Variants in EEFSEC observed in about 807,000 individuals in gnomAD.
The protein encoded by EEFSEC is eukaryotic elongation factor, selenocysteine-tRNA specific.
Under a neutral mutation model 42.1 loss-of-function variants are expected in EEFSEC, and 43 were observed. The ratio of observed to expected loss-of-function variants is 1.02; its 90% CI spans 0.80 to 1.32. The LOEUF (loss-of-function observed/expected upper bound fraction) is 1.32. EEFSEC is among the 40% of genes most tolerant of loss of function. The pLI is 0.00. For missense variants in EEFSEC, 745 were observed against 803.6 expected (o/e 0.93, Z 0.88); for synonymous variants, 354 against 339.1 (o/e 1.04, Z -0.48).
chr3:128,262,522 A>G (rs1035280721), intron 3 of EEFSEC, among the ~76,000 whole-genome samples: 2 of 152,096 alleles, frequency 1.3e-5, no homozygotes, highest in Admixed American at 1.3e-4. Flanking sequence ...TGTCATACCT[A>G]CACTCAGACA....
chr3:128,409,252 C>T (rs1340228538), downstream of EEFSEC, among the ~76,000 whole-genome samples: 1 of 152,152 alleles, frequency 6.6e-6, no homozygotes, highest in Non-Finnish European at 1.5e-5. Context: ...CAGAGGCCTC[C>T]CTTTTATCCC....
intron 1 of EEFSEC, among the ~76,000 whole-genome samples, chr3:128,235,560 G>T (rs2065999853): frequency 6.6e-6 from 1 of 152,202 alleles, no homozygotes; most frequent in African/African-American, 2.4e-5. Flanking sequence ...GACACTTCAT[G>T]ATTTTTAAGC....
chr3:128,230,863 A>G (rs892574020), intron 1 of EEFSEC, among the ~76,000 whole-genome samples: 2 of 152,118 alleles, frequency 1.3e-5, no homozygotes, highest in Non-Finnish European at 2.9e-5. Context: ...CCTGAAATCT[A>G]GAGATGGAGG....
intron 1 of EEFSEC, among the ~76,000 whole-genome samples, chr3:128,222,193 C>T (rs906160947): frequency 9.2e-5 from 14 of 152,028 alleles, no homozygotes; most frequent in African/African-American, 3.1e-4. Context: ...ACCACTCCAG[C>T]CAGCTAATTT....
chr3:128,234,857 C>G (rs2065992306), intron 1 of EEFSEC, among the ~76,000 whole-genome samples: 1 of 152,196 alleles, frequency 6.6e-6, no homozygotes, highest in African/African-American at 2.4e-5. Context: ...CTTCTGATGA[C>G]TTTAAGGAGA....
chr3:128,269,312 C>T (rs2066389904), intron 4 of EEFSEC, among the ~76,000 whole-genome samples: 1 of 152,236 alleles, frequency 6.6e-6, no homozygotes, highest in South Asian at 2.1e-4. Context: ...CCTGCAGGCC[C>T]CATGGCAGTT....
At chr3:128,164,640 A>G (rs1398341161) in intron 1 of EEFSEC, among the ~76,000 whole-genome samples, 1 of 152,132 alleles carries the variant, frequency 6.6e-6, no homozygotes, top group Non-Finnish European at 1.5e-5. Context: ...GATGGTTGAG[A>G]TATTACATTT....
chr3:128,221,885 A>G (rs2065863627), intron 1 of EEFSEC, among the ~76,000 whole-genome samples: 1 of 152,216 alleles, frequency 6.6e-6, no homozygotes, highest in Non-Finnish European at 1.5e-5. Flanking sequence ...GATAAATTTG[A>G]AAACAAACCA....
chr3:128,256,046 G>A (rs1203337619), intron 2 of EEFSEC, among the ~76,000 whole-genome samples: 3 of 152,148 alleles, frequency 2.0e-5, no homozygotes, highest in Admixed American at 6.5e-5. Context: ...CAGAGTGAGG[G>A]ACGTGCACCA....
intron 4 of EEFSEC, among the ~76,000 whole-genome samples, chr3:128,325,262 G>C (rs965619002): frequency 6.6e-6 from 1 of 152,248 alleles, no homozygotes; most frequent in East Asian, 1.9e-4. Context: ...GTTGTCTTTT[G>C]TGACAGCTTC....
chr3:128,367,941 C>G, intron 6 of EEFSEC: 1 of 752,308 alleles, frequency 1.3e-6, no homozygotes. Context: ...GGTTCTTCCT[C>G]CCACCACCCA....
intron 6 of EEFSEC, among the ~76,000 whole-genome samples, chr3:128,360,642 G>A (rs902805751): frequency 6.6e-6 from 1 of 151,864 alleles, no homozygotes; most frequent in East Asian, 1.9e-4. Flanking sequence ...TGGGAGTGAA[G>A]GGAGCCTCTC....
intron 6 of EEFSEC, among the ~76,000 whole-genome samples, chr3:128,407,425 C>T (rs978295250): frequency 5.9e-5 from 9 of 152,126 alleles, no homozygotes; most frequent in African/African-American, 9.7e-5. Flanking sequence ...CAAACTGAGC[C>T]GAGGGGGCAC....
intron 1 of EEFSEC, among the ~76,000 whole-genome samples, chr3:128,213,919 ACCTC>A (rs2065784264): frequency 6.6e-6 from 1 of 152,196 alleles, no homozygotes; most frequent in Admixed American, 6.5e-5. Context: ...CCCTGCCCCA[ACCTC>A]AGCCAAGTAA....
chr3:128,191,731 A>C (rs1576532992), intron 1 of EEFSEC, among the ~76,000 whole-genome samples: 1 of 152,138 alleles, frequency 6.6e-6, no homozygotes. Flanking sequence ...TGGCTGGTTT[A>C]TTTCATTTAG....
the EEFSEC span, among the ~76,000 whole-genome samples, chr3:128,423,350 A>G: frequency 2.0e-5 from 3 of 152,192 alleles, no homozygotes; most frequent in Non-Finnish European, 4.4e-5. Context: ...GCAGTGGCTC[A>G]TGTCTGAAAT....
At chr3:128,293,983 C>A (rs916785049) in intron 4 of EEFSEC, among the ~76,000 whole-genome samples, 1 of 152,246 alleles carries the variant, frequency 6.6e-6, no homozygotes, top group African/African-American at 2.4e-5. Context: ...GTGGCTGCTT[C>A]TCCCCTTTGG....
intron 4 of EEFSEC, among the ~76,000 whole-genome samples, chr3:128,338,010 C>G (rs2108070500): frequency 6.6e-6 from 1 of 152,258 alleles, no homozygotes; most frequent in East Asian, 1.9e-4. Context: ...TGGAAACACC[C>G]CCAGTGCACA....
chr3:128,229,994 C>A (rs1206822672), intron 1 of EEFSEC, among the ~76,000 whole-genome samples: 4 of 151,872 alleles, frequency 2.6e-5, no homozygotes, highest in Non-Finnish European at 4.4e-5. Context: ...CATTCTCTTT[C>A]TTTTATTTTT....
Sources: gnomAD v4.1 joint callset for allele counts (sites outside exome capture counted in the v4.1 genomes callset) on GRCh38, gnomAD v4.1.1 for gene constraint, MANE v1.5 for transcripts, NCBI Gene and HGNC (gene_info 2026-07-23, HGNC 2026-07-21) for gene names.